The following LRRC4C variants were observed in gnomAD, a reference collection of about 807,000 sequenced individuals.
The protein encoded by LRRC4C is leucine rich repeat containing 4C.
A neutral mutation model predicts 33.6 loss-of-function variants in LRRC4C; 5 were observed. The ratio of observed to expected loss-of-function variants is 0.15; its 90% CI spans 0.08 to 0.31. LRRC4C has a LOEUF of 0.31. LRRC4C is among the 10% of genes least tolerant of loss of function. The probability of loss-of-function intolerance (pLI) is 1.00; values close to 1 mark genes in which losing one functional copy is unlikely to be tolerated. For missense variants in LRRC4C, 560 were observed against 796.7 expected, an observed-to-expected ratio of 0.70 and a Z score of 3.58; for synonymous variants, 329 against 302.0, an observed-to-expected ratio of 1.09 and a Z score of -0.93.
intron 4 of LRRC4C, among the ~76,000 whole-genome samples, chr11:40,267,136 C>T (rs370319203): frequency 6.6e-6 from 1 of 151,938 alleles, no homozygotes; most frequent in East Asian, 1.9e-4. Context: ...GTTTTGTGTC[C>T]TCAGATAGAA....
chr11:40,962,347 C>T (rs1394534649), intron 1 of LRRC4C, among the ~76,000 whole-genome samples: 2 of 151,496 alleles, frequency 1.3e-5, no homozygotes, highest in South Asian at 2.1e-4. Flanking sequence ...TTCAGACTTC[C>T]GAGCTCCAAA....
At chr11:40,516,048 G>A (rs1392224037) in intron 3 of LRRC4C, among the ~76,000 whole-genome samples, 1 of 151,970 alleles carries the variant, frequency 6.6e-6, no homozygotes, top group Non-Finnish European at 1.5e-5. Flanking sequence ...GAAATCTTTT[G>A]CTGAGCATGG....
chr11:40,212,443 G>C (rs1320229835), intron 5 of LRRC4C, among the ~76,000 whole-genome samples: 1 of 148,132 alleles, frequency 6.8e-6, no homozygotes, highest in Non-Finnish European at 1.5e-5. Flanking sequence ...TTTTACAAGG[G>C]CCCAGGCAAG....
At chr11:40,225,318 A>T (rs538233597) in intron 5 of LRRC4C, among the ~76,000 whole-genome samples, 21 of 152,300 alleles carry the variant, frequency 1.4e-4, no homozygotes, top group East Asian at 3.9e-4. Flanking sequence ...GAAAAATTTT[A>T]AAAAAATAAA....
chr11:40,474,074 C>A (rs769050044), intron 3 of LRRC4C, among the ~76,000 whole-genome samples: 1 of 140,604 alleles, frequency 7.1e-6, no homozygotes, highest in Non-Finnish European at 1.5e-5. Context: ...CTACCATTGA[C>A]TTTCTTCACA....
chr11:40,229,461 C>T (rs1478361947), intron 5 of LRRC4C, among the ~76,000 whole-genome samples: 3 of 151,834 alleles, frequency 2.0e-5, no homozygotes, highest in African/African-American at 7.3e-5. Context: ...TTAGTAGAAA[C>T]GGGGTTTTAC....
intron 3 of LRRC4C, among the ~76,000 whole-genome samples, chr11:40,447,790 C>T (rs532730434): frequency 1.3e-5 from 2 of 152,208 alleles, no homozygotes; most frequent in East Asian, 1.9e-4. Context: ...AAGATCCACA[C>T]CAGCAGCAGA....
chr11:41,250,589 C>A (rs1948607566), intron 1 of LRRC4C, among the ~76,000 whole-genome samples: 2 of 152,222 alleles, frequency 1.3e-5, no homozygotes. Flanking sequence ...CCAAAAATTA[C>A]TGGCTTGTGA....
Position 41,069,966 on chromosome 11 carries a change from C to T in LRRC4C, c.-495-136243G>A, listed in dbSNP as rs530546979. ...AAAGAGCCTGTATAACCAAGACAAT[C>T]CTAAACAAAAAGAACAAAACTGGAA... On this transcript the variant is annotated intron_variant, in intron 1 of 6. Coordinates refer to ENST00000528697, the MANE Select transcript of LRRC4C (RefSeq NM_001258419.2). Among the ~76,000 whole-genome samples, 7 of 152,180 alleles carry T rather than the reference C, an allele frequency of 4.6e-5. No homozygotes were observed. The East Asian group carries it at 1.4e-3, about 29-fold the overall frequency.
At chr11:40,707,159 G>A (rs2136543240) in intron 2 of LRRC4C, among the ~76,000 whole-genome samples, 1 of 152,280 alleles carries the variant, frequency 6.6e-6, no homozygotes, top group African/African-American at 2.4e-5. Flanking sequence ...TCTGCAAACA[G>A]GGACAATTTG....
intron 5 of LRRC4C, among the ~76,000 whole-genome samples, chr11:40,227,009 C>A (rs866590775): frequency 2.0e-4 from 30 of 152,236 alleles, no homozygotes; most frequent in African/African-American, 5.3e-4. Context: ...GGTGAGACCT[C>A]AAAGGCTGTT....
chr11:40,383,118 A>G lies in LRRC4C; in HGVS notation c.-269-63397T>C, dbSNP rs572898239. ...TTTTTTAATGTAAGTGGTATTTTGCAGAGTTTGTCATGTGTCTGGCTTATT... is the reference window on the plus strand; with the variant it reads ...TTTTTTAATGTAAGTGGTATTTTGCGGAGTTTGTCATGTGTCTGGCTTATT... On this transcript the variant is annotated intron_variant, in intron 3 of 6. Transcript: ENST00000528697. Among the ~76,000 whole-genome samples the G allele has an allele frequency of 7.4e-5, 5 of 67,630 alleles. No individual in the cohort carries two copies. The East Asian group carries it at 3.7e-3, about 50-fold the overall frequency. The allele number at this position is 67,630 out of a possible 152,430, so 44.4% of individuals were successfully genotyped here. A position where few individuals can be genotyped will look rare whatever the true frequency, so the allele number is the denominator to read the frequency against.
At chr11:41,049,336 C>T (rs978593327) in intron 1 of LRRC4C, among the ~76,000 whole-genome samples, 1 of 152,176 alleles carries the variant, frequency 6.6e-6, no homozygotes, top group Non-Finnish European at 1.5e-5. Context: ...TGTGAGGCAT[C>T]CCCAGCCACA....
intron 1 of LRRC4C, among the ~76,000 whole-genome samples, chr11:41,160,223 G>A (rs766728990): frequency 1.3e-5 from 2 of 151,828 alleles, no homozygotes; most frequent in African/African-American, 2.4e-5. Context: ...TAGAACATAT[G>A]GCTGGACACA....
chr11:41,198,944 G>C (rs1416419057), intron 1 of LRRC4C, among the ~76,000 whole-genome samples: 1 of 152,058 alleles, frequency 6.6e-6, no homozygotes, highest in African/African-American at 2.4e-5. Flanking sequence ...ATCCACATAA[G>C]AAAATCTGTT....
chr11:40,330,032 T>C (rs145085264), intron 3 of LRRC4C, among the ~76,000 whole-genome samples: 2,336 of 152,268 alleles, frequency 0.015, 61 homozygotes, highest in African/African-American at 0.053. Context: ...TGAGCCACCA[T>C]GCCTGGCTGG....
At chr11:40,700,447 A>C (rs1222722354) in intron 2 of LRRC4C, among the ~76,000 whole-genome samples, 2 of 152,154 alleles carry the variant, frequency 1.3e-5, no homozygotes, top group African/African-American at 4.8e-5. Context: ...ATTTCTGTTA[A>C]TACTAATAGG....
chr11:41,132,822 C>CA (rs1943078055), intron 1 of LRRC4C, among the ~76,000 whole-genome samples: 1 of 151,862 alleles, frequency 6.6e-6, no homozygotes, highest in South Asian at 2.1e-4. Flanking sequence ...TGACAGTTAC[C>CA]AAAAAGGACA....
chr11:41,307,889 G>T (rs1239786036), intron 1 of LRRC4C, among the ~76,000 whole-genome samples: 2 of 152,104 alleles, frequency 1.3e-5, no homozygotes, highest in African/African-American at 4.8e-5. Context: ...TTTCCTTTTG[G>T]GGAGACTAAT....
Sources: allele counts gnomAD v4.1 joint callset (sites outside exome capture counted in the v4.1 genomes callset), GRCh38; gene constraint gnomAD v4.1.1; transcripts MANE v1.5; gene names NCBI Gene and HGNC (gene_info 2026-07-23, HGNC 2026-07-21).